ADAMTSL1: variants seen among roughly 807,000 people sequenced by gnomAD.
ADAMTSL1 encodes ADAMTS-like protein 1.
A neutral mutation model predicts 201.8 loss-of-function variants in ADAMTSL1; 126 were observed. The ratio of observed to expected loss-of-function variants is 0.62; its 90% CI spans 0.54 to 0.72. The LOEUF (loss-of-function observed/expected upper bound fraction) is 0.72. Among genes scored for constraint, ADAMTSL1 ranks in the 30% least tolerant of loss-of-function variants. The pLI is 0.00. For missense variants in ADAMTSL1, 2,679 were observed against 2,277.8 expected, an observed-to-expected ratio of 1.18 and a Z score of -3.59; for synonymous variants, 1,121 against 903.4, an observed-to-expected ratio of 1.24 and a Z score of -4.32.
chr9:18,663,306 A>G (rs1221415868), intron 9 of ADAMTSL1, among the ~76,000 whole-genome samples: 1 of 152,124 alleles, frequency 6.6e-6, no homozygotes, highest in African/African-American at 2.4e-5. Flanking sequence ...AAAGAACAAA[A>G]AGAATAGATA....
intron 2 of ADAMTSL1, among the ~76,000 whole-genome samples, chr9:18,172,740 C>T (rs188878544): frequency 2.6e-4 from 40 of 152,024 alleles, no homozygotes; most frequent in Admixed American, 1.7e-3. Context: ...GGGAGAATAA[C>T]GTATTGCTTA....
intron 2 of ADAMTSL1, among the ~76,000 whole-genome samples, chr9:18,509,076 C>T (rs970615016): frequency 1.1e-4 from 14 of 129,682 alleles, no homozygotes; most frequent in Admixed American, 2.2e-4. Context: ...CCCAGCTACT[C>T]GGGAGGCTGA....
chr9:18,322,347 GC>G, intron 2 of ADAMTSL1, among the ~76,000 whole-genome samples: 1 of 152,126 alleles, frequency 6.6e-6, no homozygotes, highest in Admixed American at 6.5e-5. Flanking sequence ...TAAACCATTA[GC>G]AGTACCAGGT....
At chr9:17,982,534 C>T (rs1233143847) in intron 1 of ADAMTSL1, among the ~76,000 whole-genome samples, 2 of 152,106 alleles carry the variant, frequency 1.3e-5, no homozygotes, top group African/African-American at 2.4e-5. Context: ...ATTGCTTGAA[C>T]CCAAGAGGTG....
At chr9:18,847,080 AG>A (rs1196370862) in intron 23 of ADAMTSL1, among the ~76,000 whole-genome samples, 1 of 152,238 alleles carries the variant, frequency 6.6e-6, no homozygotes. Flanking sequence ...CTACCTGCTC[AG>A]GCTTTATTAA....
intron 7 of ADAMTSL1, among the ~76,000 whole-genome samples, chr9:18,648,209 A>C (rs11506411): frequency 0.38 from 44,699 of 117,310 alleles, 10,360 homozygotes; most frequent in East Asian, 0.73. Context: ...AGGATTGCCA[A>C]CCCTGCCTTT....
rs1563981788 is a variant in ADAMTSL1 at position 18,474,241 on chromosome 9, C to T, written c.9C>T (p.Cys3=). Residue 3 remains cysteine (C), a synonymous_variant, in exon 1 of 29, where the codon TGC becomes TGT. Coordinates refer to ENST00000380548, the MANE Select transcript of ADAMTSL1 (RefSeq NM_001040272.6). ME[C]CRRATPGTLL... ...CCGGCAAGGATCCAAGCATGGAATG[C>T]TGCCGTCGGGCAACTCCTGGCACAC... The T allele has an allele frequency of 1.2e-6, 2 of 1,614,030 alleles. No individual in the cohort carries two copies. The highest frequency in any genetic ancestry group is 1.1e-5 in the South Asian group (1 of 91,080).
At chr9:18,730,299 G>A (rs1402261592) in intron 15 of ADAMTSL1, among the ~76,000 whole-genome samples, 1 of 152,236 alleles carries the variant, frequency 6.6e-6, no homozygotes, top group Non-Finnish European at 1.5e-5. Flanking sequence ...AAAAGGACTT[G>A]AGAAAGAGGT....
chr9:18,022,754 C>T (rs1189644648), intron 1 of ADAMTSL1, among the ~76,000 whole-genome samples: 1 of 152,156 alleles, frequency 6.6e-6, no homozygotes, highest in Non-Finnish European at 1.5e-5. Flanking sequence ...GTGCTGAATT[C>T]TTCTTTCCTA....
At chr9:18,758,582 A>ATCTTCCTCCC (rs1187505867) in intron 16 of ADAMTSL1, among the ~76,000 whole-genome samples, 1 of 151,884 alleles carries the variant, frequency 6.6e-6, no homozygotes, top group Non-Finnish European at 1.5e-5. Flanking sequence ...CCCTTCCTCC[A>ATCTTCCTCCC]TCTTCCTCCC....
chr9:18,729,730 C>G (rs1016430390), intron 15 of ADAMTSL1, among the ~76,000 whole-genome samples: 2 of 152,102 alleles, frequency 1.3e-5, no homozygotes, highest in Non-Finnish European at 2.9e-5. Context: ...GCAGCCAAAG[C>G]CGGAGTTTGG....
intron 1 of ADAMTSL1, among the ~76,000 whole-genome samples, chr9:18,018,631 C>A (rs138170541): frequency 1.3e-5 from 2 of 152,098 alleles, no homozygotes; most frequent in East Asian, 3.9e-4. Context: ...ACTGATAAAC[C>A]CCATATGCAA....
intron 2 of ADAMTSL1, among the ~76,000 whole-genome samples, chr9:18,303,169 G>C (rs1043473835): frequency 6.6e-6 from 1 of 152,202 alleles, no homozygotes; most frequent in Non-Finnish European, 1.5e-5. Flanking sequence ...TACCAGGTTT[G>C]ACATTTAGAG....
At chr9:18,142,024 A>C (rs1472098955) in intron 1 of ADAMTSL1, among the ~76,000 whole-genome samples, 1 of 152,206 alleles carries the variant, frequency 6.6e-6, no homozygotes, top group Non-Finnish European at 1.5e-5. Context: ...GTAGTAGGCA[A>C]ACTCAGTAAG....
At chr9:18,526,149 A>G (rs1819030808) in intron 2 of ADAMTSL1, among the ~76,000 whole-genome samples, 1 of 152,226 alleles carries the variant, frequency 6.6e-6, no homozygotes, top group African/African-American at 2.4e-5. Flanking sequence ...ATGTATATTT[A>G]GGATAGTTAG....
At chr9:18,076,910 A>G (rs1219074948) in intron 1 of ADAMTSL1, among the ~76,000 whole-genome samples, 1 of 152,184 alleles carries the variant, frequency 6.6e-6, no homozygotes, top group African/African-American at 2.4e-5. Flanking sequence ...CATACAAGGT[A>G]GTAGAGATGA....
intron 2 of ADAMTSL1, among the ~76,000 whole-genome samples, chr9:18,310,935 C>A (rs1260235768): frequency 6.6e-6 from 1 of 152,082 alleles, no homozygotes; most frequent in Non-Finnish European, 1.5e-5. Context: ...TTCACAATAG[C>A]AAAGACTTGG....
chr9:18,541,736 G>A (rs1370731727), intron 3 of ADAMTSL1, among the ~76,000 whole-genome samples: 1 of 152,040 alleles, frequency 6.6e-6, no homozygotes, highest in Non-Finnish European at 1.5e-5. Context: ...TAAAAATATC[G>A]TTCTAATATA....
chr9:18,873,307 G>T (rs1021060324), intron 23 of ADAMTSL1, among the ~76,000 whole-genome samples: 5 of 152,070 alleles, frequency 3.3e-5, no homozygotes, highest in Non-Finnish European at 7.4e-5. Context: ...GTTTAATTAG[G>T]TTCCATCTAT....
Sources: gnomAD v4.1 joint callset for allele counts (sites outside exome capture counted in the v4.1 genomes callset) on GRCh38, gnomAD v4.1.1 for gene constraint, MANE v1.5 for transcripts, NCBI Gene and HGNC (gene_info 2026-07-23, HGNC 2026-07-21) for gene names.